Variants in GRID1 observed in about 807,000 individuals in gnomAD.
GRID1 encodes glutamate ionotropic receptor delta type subunit 1, also known as glutamate receptor ionotropic, delta-1.
Under a neutral mutation model 98.0 loss-of-function variants are expected in GRID1, and 28 were observed. That is an observed-to-expected ratio of 0.29 (90% confidence interval 0.21 to 0.39). GRID1 has a LOEUF of 0.39. Among genes scored for constraint, GRID1 ranks in the 10% least tolerant of loss-of-function variants. GRID1 has a pLI of 1.00. For missense variants in GRID1, 1,111 were observed against 1,340.5 expected (o/e 0.83, Z 2.67); for synonymous variants, 553 against 538.5 (o/e 1.03, Z -0.37).
chr10:85,881,431 G>A lies in GRID1; in HGVS notation c.781-12251C>T, dbSNP rs184638539. ...GTACTGGTACCAAAACAGAGATAGC[G>A]ATCAATGGAACAGAACAGAGCCCTC... On this transcript the variant is annotated intron_variant, in intron 5 of 15. Transcript: ENST00000327946. Among the ~76,000 whole-genome samples, 11 of 152,220 alleles carry A rather than the reference G, an allele frequency of 7.2e-5. No homozygotes were observed. The East Asian group carries it at 1.5e-3, about 21-fold the overall frequency.
intron 2 of GRID1, among the ~76,000 whole-genome samples, chr10:86,313,930 C>T (rs1347403092): frequency 6.6e-6 from 1 of 152,188 alleles, no homozygotes; most frequent in Non-Finnish European, 1.5e-5. Flanking sequence ...TTTTCCCCTT[C>T]GCAATCTCAT....
At chr10:86,096,820 T>C (rs1844227436) in intron 4 of GRID1, among the ~76,000 whole-genome samples, 1 of 152,226 alleles carries the variant, frequency 6.6e-6, no homozygotes, top group Non-Finnish European at 1.5e-5. Context: ...GAAGGCTGTA[T>C]ATGCTCTAAA....
intron 4 of GRID1, among the ~76,000 whole-genome samples, chr10:86,117,537 T>C (rs1844602178): frequency 6.7e-6 from 1 of 148,920 alleles, no homozygotes; most frequent in African/African-American, 2.5e-5. Flanking sequence ...CTATCACCAC[T>C]ACCATCATCA....
chr10:85,903,879 G>A (rs1464530679), intron 5 of GRID1, among the ~76,000 whole-genome samples: 3 of 152,148 alleles, frequency 2.0e-5, no homozygotes, highest in African/African-American at 4.8e-5. Flanking sequence ...ACTTCTTCAA[G>A]TCCCTGTTCA....
Position 86,206,666 on chromosome 10 carries a change from A to G in GRID1, c.236-18T>C. ...GTCACAGGCTAGAAAGAGAGAAGAG[A>G]GAGAGGAAGGGGTCAGCATCAGGGC... On this transcript the variant is annotated intron_variant, in intron 2 of 15. Coordinates refer to ENST00000327946, the MANE Select transcript of GRID1 (RefSeq NM_017551.3). The surrounding 1 kb of genome is among the most constrained non-coding windows in gnomAD (Gnocchi z 4.1). 6.2e-7 allele frequency: 1 copy of G among 1,603,388 alleles called. No individual in the cohort carries two copies. The highest frequency in any genetic ancestry group is 8.5e-7 in the Non-Finnish European group (1 of 1,171,878).
intron 2 of GRID1, among the ~76,000 whole-genome samples, chr10:86,288,513 T>A (rs1253911723): frequency 6.6e-6 from 1 of 152,158 alleles, no homozygotes; most frequent in East Asian, 1.9e-4. Context: ...AACTTGGTCT[T>A]CAGTTGACTC....
At chr10:86,333,724 A>G (rs1185707186) in intron 2 of GRID1, among the ~76,000 whole-genome samples, 5 of 152,230 alleles carry the variant, frequency 3.3e-5, no homozygotes, top group Non-Finnish European at 5.9e-5. Context: ...AATAAACTAG[A>G]GAAAAGAATC....
At chr10:85,661,080 T>C (rs756411422) in intron 12 of GRID1, among the ~76,000 whole-genome samples, 6 of 152,182 alleles carry the variant, frequency 3.9e-5, no homozygotes, top group Non-Finnish European at 8.8e-5. Flanking sequence ...AGAATGATGC[T>C]ACGTCAGTGC....
intron 4 of GRID1, among the ~76,000 whole-genome samples, chr10:86,105,179 C>A (rs1844362767): frequency 6.6e-6 from 1 of 152,200 alleles, no homozygotes; most frequent in African/African-American, 2.4e-5. Flanking sequence ...CATGTTTTCT[C>A]AAGAACTGTT....
At chr10:86,347,542 G>A (rs1429008338) in intron 2 of GRID1, among the ~76,000 whole-genome samples, 3 of 152,182 alleles carry the variant, frequency 2.0e-5, no homozygotes, top group Non-Finnish European at 2.9e-5. Context: ...CTCTTCCAGG[G>A]GCAAGTGGCC....
At chr10:85,869,918 G>A (rs939795704) in intron 5 of GRID1, among the ~76,000 whole-genome samples, 4 of 152,154 alleles carry the variant, frequency 2.6e-5, no homozygotes, top group African/African-American at 9.7e-5. Context: ...ATCCACTGTG[G>A]AGCATAGAAA....
chr10:85,786,561 A>T (rs1427907191), intron 8 of GRID1, among the ~76,000 whole-genome samples: 1 of 152,282 alleles, frequency 6.6e-6, no homozygotes, highest in Non-Finnish European at 1.5e-5. Context: ...GTGGGCCCGC[A>T]AGGCATAGCT....
chr10:85,663,518 G>A (rs927721908), intron 12 of GRID1, among the ~76,000 whole-genome samples: 1 of 152,134 alleles, frequency 6.6e-6, no homozygotes, highest in African/African-American at 2.4e-5. Flanking sequence ...CACTCAGTTT[G>A]TGACACTTTG....
chr10:85,939,304 C>T (rs917149147), intron 4 of GRID1, among the ~76,000 whole-genome samples: 1 of 152,200 alleles, frequency 6.6e-6, no homozygotes, highest in Non-Finnish European at 1.5e-5. Flanking sequence ...AGGATACAAC[C>T]TGTATTAGCT....
At chr10:85,610,212 C>T (rs1429730282) in intron 15 of GRID1, among the ~76,000 whole-genome samples, 1 of 152,202 alleles carries the variant, frequency 6.6e-6, no homozygotes, top group African/African-American at 2.4e-5. Context: ...AAAGTAGTTC[C>T]GGATTAAATA....
chr10:86,294,670 T>C (rs1847562576), intron 2 of GRID1, among the ~76,000 whole-genome samples: 1 of 152,098 alleles, frequency 6.6e-6, no homozygotes, highest in South Asian at 2.1e-4. Context: ...GTAAGAAGCC[T>C]ATGTCATCCC....
chr10:85,881,425 G>C (rs889208769), intron 5 of GRID1, among the ~76,000 whole-genome samples: 27 of 152,254 alleles, frequency 1.8e-4, no homozygotes, highest in African/African-American at 6.3e-4. Flanking sequence ...CCAAAACAGA[G>C]ATAGCGATCA....
chr10:86,235,558 C>A (rs1846525007), intron 2 of GRID1, among the ~76,000 whole-genome samples: 1 of 152,228 alleles, frequency 6.6e-6, no homozygotes, highest in Non-Finnish European at 1.5e-5. Context: ...TCTGCTTCCA[C>A]CCCCAGCTAC....
intron 8 of GRID1, among the ~76,000 whole-genome samples, chr10:85,801,382 T>A (rs1181875542): frequency 1.3e-5 from 2 of 151,892 alleles, no homozygotes; most frequent in Non-Finnish European, 2.9e-5. Flanking sequence ...ATAATTTTGA[T>A]CTGAAAAGAA....
Sources: allele counts gnomAD v4.1 joint callset (sites outside exome capture counted in the v4.1 genomes callset), GRCh38; gene constraint gnomAD v4.1.1; non-coding constraint Gnocchi (gnomAD v3.1); transcripts MANE v1.5; gene names NCBI Gene and HGNC (gene_info 2026-07-23, HGNC 2026-07-21).